Variants in ARHGAP21 observed in about 807,000 individuals in gnomAD.
ARHGAP21 encodes Rho GTPase activating protein 21.
ARHGAP21 carries 38 observed loss-of-function variants against 164.6 expected under a neutral mutation model. The observed-to-expected ratio is 0.23, with a 90% CI of 0.18 to 0.30. ARHGAP21 has a LOEUF of 0.30. ARHGAP21 is among the 10% of genes least tolerant of loss of function. The probability of loss-of-function intolerance (pLI) is 1.00; values close to 1 mark genes in which losing one functional copy is unlikely to be tolerated. For synonymous variants in ARHGAP21, 766 were observed against 857.9 expected, an observed-to-expected ratio of 0.89 and a Z score of 1.87; for missense variants, 1,822 against 2,370.7, an observed-to-expected ratio of 0.77 and a Z score of 4.81.
At chr10:24,677,384 T>C (rs550796253) in intron 2 of ARHGAP21, among the ~76,000 whole-genome samples, 4 of 152,276 alleles carry the variant, frequency 2.6e-5, no homozygotes, top group South Asian at 4.1e-4. Context: ...AATGGAGCAT[T>C]GGAAAAAACT....
At chr10:24,591,532 C>A in intron 23 of ARHGAP21, 110 bp downstream of exon 23, 1 of 1,389,496 alleles carries the variant, frequency 7.2e-7, no homozygotes, top group Non-Finnish European at 1.0e-6. Flanking sequence ...GACCTGCTTC[C>A]GGGGCGCAAA....
chr10:24,593,330 A>G (rs1037819602), intron 21 of ARHGAP21, among the ~76,000 whole-genome samples: 1 of 152,160 alleles, frequency 6.6e-6, no homozygotes, highest in African/African-American at 2.4e-5. Context: ...TCCCTCTAGA[A>G]TATGTACTCA....
chr10:24,607,760 G>A lies in ARHGAP21; in HGVS notation c.2566C>T (p.Leu856Phe), dbSNP rs772671493. The A allele has an allele frequency of 2.5e-6, 4 of 1,613,940 alleles. No individual in the cohort carries two copies. In the African/African-American group the frequency reaches 5.3e-5, roughly 22 times the overall value. Residue 856 changes from leucine to phenylalanine, a missense_variant, in exon 10 of 26, where the codon CTC becomes TTC. Transcript: ENST00000396432. ...TTAGACGTACCGTGGTCATGTGAGA[G>A]CTGACGGCGAATTAATGGAGCTGAA... ...TTSAPLIRRQ[L>F]SHDHESVGPP...
chr10:24,677,323 T>C (rs570553521), intron 2 of ARHGAP21, among the ~76,000 whole-genome samples: 33 of 152,288 alleles, frequency 2.2e-4, no homozygotes, highest in African/African-American at 7.7e-4. Context: ...CTCACAACAC[T>C]TTAACATACT....
rs200969279 is a variant in ARHGAP21 at position 24,600,833 on chromosome 10, G to A, written c.2945C>T (p.Pro982Leu). ...LYKDKREQTT[P>L]SEEEQPISVN... ...ACTGATGGGCTGCTCTTCCTCAGAC[G>A]GAGTCGTCTGCTCTCTTTTATCTTT... The change falls in exon 14 of 26, where the codon CCG (proline) becomes CTG (leucine). Residue 982 changes from proline to leucine, a missense_variant. By Grantham distance (98) the Pro-to-Leu change is moderately conservative. Transcript: ENST00000396432. The A allele has an allele frequency of 2.3e-5, 37 of 1,614,134 alleles. 1 individual carries two copies. In the African/African-American group the frequency reaches 2.8e-4, roughly 12 times the overall value.
intron 21 of ARHGAP21, among the ~76,000 whole-genome samples, chr10:24,592,468 G>A (rs1592936283): frequency 2.0e-5 from 3 of 152,028 alleles, no homozygotes; most frequent in Admixed American, 1.3e-4. Flanking sequence ...GGTTCAAAAC[G>A]AGGGTTACCA....
At chr10:24,705,926 A>G (rs1273445907) in intron 2 of ARHGAP21, among the ~76,000 whole-genome samples, 1 of 152,240 alleles carries the variant, frequency 6.6e-6, no homozygotes, top group Non-Finnish European at 1.5e-5. Flanking sequence ...GATAAAGGGA[A>G]AAATAAGAGC....
Position 24,692,279 on chromosome 10 carries a change from T to C in ARHGAP21, c.64-21882A>G, listed in dbSNP as rs187137442. 3.3e-5 allele frequency among the ~76,000 whole-genome samples: 5 copies of C among 152,330 alleles called. No individual in the cohort carries two copies. The East Asian group carries it at 9.6e-4, about 29-fold the overall frequency. ...CTAAGCTCAGGAAAGTGATCTGAGA[T>C]TTGGAAATCATCAGTCTATCATATG... is the stretch of plus-strand genomic sequence containing the variant. On this transcript the variant is annotated intron_variant, in intron 2 of 25. Transcript: ENST00000396432.
At chr10:24,617,187 T>C (rs890901093) in intron 9 of ARHGAP21, among the ~76,000 whole-genome samples, 2 of 152,208 alleles carry the variant, frequency 1.3e-5, no homozygotes, top group African/African-American at 4.8e-5. Flanking sequence ...TATACAGATC[T>C]TTATTTTCTA....
chr10:24,590,427 C>T, intron 24 of ARHGAP21: 1 of 1,535,394 alleles, frequency 6.5e-7, no homozygotes, highest in South Asian at 1.2e-5. Context: ...CCATCAGGGA[C>T]ATCACAGAAT....
At chr10:24,669,854 C>T (rs1446713996) in intron 3 of ARHGAP21, among the ~76,000 whole-genome samples, 1 of 152,148 alleles carries the variant, frequency 6.6e-6, no homozygotes, top group Non-Finnish European at 1.5e-5. Flanking sequence ...TCTATAACTG[C>T]TAGAATATTT....
chr10:24,600,739 C>T lies in ARHGAP21; in HGVS notation c.3039G>A (p.Thr1013=), dbSNP rs140086076. ...TKRKNVFRLT[T]SDCECLFQAE... The stretch of plus-strand genomic sequence containing the variant: ...CCTGAAACAGGCATTCACAGTCGGA[C>T]GTGGTGAGTCGAAACACATTTTTCC... Residue 1013 remains threonine (T), a synonymous_variant, in exon 14 of 26, where the codon ACG becomes ACA. Transcript: ENST00000396432. 437 of 1,613,940 alleles carry T rather than the reference C, an allele frequency of 2.7e-4. 2 individuals are homozygous for T. The highest frequency in any genetic ancestry group is 1.3e-3 in the Middle Eastern group (8 of 6,058).
chr10:24,595,225 A>AATTGCCTAG (rs1564967698), intron 19 of ARHGAP21, 35 bp from the exon 20 acceptor site: 1 of 1,544,814 alleles, frequency 6.5e-7, no homozygotes, highest in Non-Finnish European at 8.9e-7. Context: ...ATTTATCTTA[A>AATTGCCTAG]ATTGCCTAGG....
chr10:24,639,609 A>G (rs1836778830), intron 4 of ARHGAP21, among the ~76,000 whole-genome samples: 1 of 152,194 alleles, frequency 6.6e-6, no homozygotes, highest in Non-Finnish European at 1.5e-5. Flanking sequence ...CTGTCATATT[A>G]TAGGGAAGTC....
intron 4 of ARHGAP21, among the ~76,000 whole-genome samples, chr10:24,659,496 G>C (rs1839450615): frequency 6.6e-6 from 1 of 152,074 alleles, no homozygotes; most frequent in African/African-American, 2.4e-5. Flanking sequence ...TGGATTTTTA[G>C]TAGAGATAGG....
Position 24,600,730 on chromosome 10 carries a change from A to G in ARHGAP21, c.3048T>C (p.Cys1016=). 6.2e-7 allele frequency: 1 copy of G among 1,613,912 alleles called. No homozygotes were observed. Among genetic ancestry groups the G allele is most frequent in the Non-Finnish European group, 8.5e-7 (1 of 1,179,868 alleles). ...TGTCTTCAGCCTGAAACAGGCATTC[A>G]CAGTCGGACGTGGTGAGTCGAAACA... is the stretch of plus-strand genomic sequence containing the variant. ...KNVFRLTTSD[C]ECLFQAEDRD... is the part of the protein sequence containing the mutation. The change falls in exon 14 of 26, where the codon TGT becomes TGC. Residue 1016 remains cysteine (C), a synonymous_variant. Transcript: ENST00000396432.
At chr10:24,607,452 ACACC>A (rs1242493276) in intron 11 of ARHGAP21, 43 bp downstream of exon 11, 1 of 1,508,946 alleles carries the variant, frequency 6.6e-7, no homozygotes, top group South Asian at 1.1e-5. Flanking sequence ...GTCATGCTGA[ACACC>A]CACCCACATA....
intron 4 of ARHGAP21, among the ~76,000 whole-genome samples, chr10:24,645,264 T>C (rs1482557029): frequency 6.6e-6 from 1 of 152,164 alleles, no homozygotes; most frequent in Non-Finnish European, 1.5e-5. Flanking sequence ...TGAGATCCCC[T>C]CACCTGGTGG....
intron 21 of ARHGAP21, among the ~76,000 whole-genome samples, chr10:24,594,562 TGTG>T: frequency 6.6e-6 from 1 of 152,212 alleles, no homozygotes; most frequent in South Asian, 2.1e-4. Flanking sequence ...ACAAAGAAAA[TGTG>T]GTGGTGTTAA....
Sources: gnomAD v4.1 joint callset for allele counts (sites outside exome capture counted in the v4.1 genomes callset) on GRCh38, gnomAD v4.1.1 for gene constraint, MANE v1.5 for transcripts, NCBI Gene and HGNC (gene_info 2026-07-23, HGNC 2026-07-21) for gene names.